The following ERP44 variants were observed in gnomAD, a reference collection of about 807,000 sequenced individuals.
ERP44 encodes the protein endoplasmic reticulum protein 44, also known as endoplasmic reticulum resident protein 44.
Under a neutral mutation model 53.4 loss-of-function variants are expected in ERP44, and 25 were observed. That is an observed-to-expected ratio of 0.47 (90% CI 0.34 to 0.65). The LOEUF is 0.65. Ranked by LOEUF, ERP44 falls within the 30% of genes least tolerant of loss-of-function variation. The pLI, the probability that ERP44 is intolerant of heterozygous loss-of-function variation, is 0.01. For synonymous variants in ERP44, 145 were observed against 161.2 expected, an observed-to-expected ratio of 0.90 and a Z score of 0.76; for missense variants, 338 against 493.2, an observed-to-expected ratio of 0.69 and a Z score of 2.98.
At chr9:100,021,751 T>C (rs891281740) in intron 5 of ERP44, among the ~76,000 whole-genome samples, 1 of 152,220 alleles carries the variant, frequency 6.6e-6, no homozygotes, top group Non-Finnish European at 1.5e-5. Flanking sequence ...AAGCTCTGGT[T>C]GTATATACTT....
intron 10 of ERP44, chr9:99,998,400 G>C (rs926156231): frequency 9.5e-6 from 6 of 631,690 alleles, no homozygotes; most frequent in African/African-American, 5.5e-5. Flanking sequence ...TCATACAGCT[G>C]CAAGGCCGGC....
chr9:100,012,936 C>G (rs368142510), intron 8 of ERP44, among the ~76,000 whole-genome samples: 2 of 151,972 alleles, frequency 1.3e-5, no homozygotes, highest in Non-Finnish European at 2.9e-5. Flanking sequence ...TTCTTTTTGC[C>G]TTATATATCC....
Position 100,007,669 on chromosome 9 carries a change from C to A in ERP44, c.783G>T (p.Leu261=). The change falls in exon 9 of 12, where the codon CTG becomes CTT. Residue 261 remains leucine, a synonymous_variant. Transcript: ENST00000262455. The part of the protein sequence containing the change: ...ENGEELTEEG[L]PFLILFHMKE... ...TCATGTGAAAGAGTATGAGAAAAGGCAGTCCTTCTTCTGTCAATTCCTGTA... is the reference window on the plus strand; with the variant it reads ...TCATGTGAAAGAGTATGAGAAAAGGAAGTCCTTCTTCTGTCAATTCCTGTA... The A allele has an allele frequency of 6.3e-7, 1 of 1,588,260 alleles. No individual in the cohort carries two copies. Among genetic ancestry groups the A allele is most frequent in the Non-Finnish European group, 8.6e-7 (1 of 1,156,514 alleles).
At chr9:99,993,920 G>A (rs934324918) in intron 10 of ERP44, among the ~76,000 whole-genome samples, 40 of 152,190 alleles carry the variant, frequency 2.6e-4, no homozygotes, top group African/African-American at 8.4e-4. Flanking sequence ...ATCATCACTG[G>A]CCATCAGAGA....
intron 4 of ERP44, among the ~76,000 whole-genome samples, chr9:100,028,756 G>A (rs1830679782): frequency 6.6e-6 from 1 of 152,138 alleles, no homozygotes; most frequent in South Asian, 2.1e-4. Flanking sequence ...GAAATTCCTA[G>A]AGAGAGTAGA....
intron 1 of ERP44, among the ~76,000 whole-genome samples, chr9:100,067,298 C>G (rs954041198): frequency 6.6e-6 from 1 of 152,236 alleles, no homozygotes; most frequent in Non-Finnish European, 1.5e-5. Flanking sequence ...CTGCCTGATT[C>G]TCCTGCCTCA....
intron 1 of ERP44, among the ~76,000 whole-genome samples, chr9:100,069,608 T>G (rs1826277302): frequency 1.3e-5 from 2 of 151,962 alleles, no homozygotes; most frequent in Admixed American, 1.3e-4. Flanking sequence ...AATAGATATA[T>G]TTATTTCTAA....
chr9:100,000,219 G>A (rs1310494577), intron 10 of ERP44, among the ~76,000 whole-genome samples: 1 of 151,898 alleles, frequency 6.6e-6, no homozygotes, highest in Non-Finnish European at 1.5e-5. Context: ...ATCACTTCAG[G>A]CCAGGCCAGG....
intron 1 of ERP44, among the ~76,000 whole-genome samples, chr9:100,094,463 G>C (rs1439353595): frequency 6.6e-6 from 1 of 152,118 alleles, no homozygotes; most frequent in Non-Finnish European, 1.5e-5. Context: ...TTTGAGACCA[G>C]CCTGGCCAAC....
chr9:100,023,303 G>A (rs1231507930), intron 4 of ERP44, among the ~76,000 whole-genome samples: 1 of 149,924 alleles, frequency 6.7e-6, no homozygotes. Flanking sequence ...TAAACAAGTA[G>A]AAGGCTTTTA....
intron 1 of ERP44, among the ~76,000 whole-genome samples, chr9:100,092,457 C>T (rs1480476422): frequency 2.0e-5 from 3 of 152,124 alleles, no homozygotes; most frequent in South Asian, 2.1e-4. Context: ...CATGTGCTTA[C>T]GTTATAGACA....
At chr9:100,010,829 G>A (rs1587961586) in intron 8 of ERP44, among the ~76,000 whole-genome samples, 3 of 151,210 alleles carry the variant, frequency 2.0e-5, no homozygotes, top group African/African-American at 7.3e-5. Context: ...TGAACCTGGG[G>A]GGCAGAGGTT....
chr9:99,995,920 C>CTTTTTTTTTTTTTTTTTTTTTTTT (rs34632626), intron 10 of ERP44, among the ~76,000 whole-genome samples: 1 of 121,436 alleles, frequency 8.2e-6, no homozygotes. Context: ...TAGGGTAGTT[C>CTTTTTTTTTTTTTTTTTTTTTTTT]TTTTTTTTTT....
chr9:100,039,738 G>A (rs1825882753), intron 4 of ERP44, among the ~76,000 whole-genome samples: 1 of 151,920 alleles, frequency 6.6e-6, no homozygotes, highest in African/African-American at 2.4e-5. Context: ...ACAAAAAGTT[G>A]GTTTTTTGGT....
chr9:100,027,315 A>G (rs1414375784), intron 4 of ERP44, among the ~76,000 whole-genome samples: 2 of 152,242 alleles, frequency 1.3e-5, no homozygotes, highest in Non-Finnish European at 2.9e-5. Context: ...ATGGGATTAG[A>G]TATTCATTTG....
At position 100,022,284 on chromosome 9, in the gene ERP44, C is replaced by T. The variant is rs1001574795; in HGVS notation, c.287-58G>A. 2.9e-5 allele frequency: 40 copies of T among 1,380,434 alleles called. No homozygotes were observed. The African/African-American group carries it at 3.8e-4, about 13-fold the overall frequency. The allele number at this position is 1,380,434 out of a possible 1,614,324, so 85.5% of individuals were successfully genotyped here. On this transcript the variant is annotated intron_variant, in intron 4 of 11. Transcript: ENST00000262455. ...TATGTAGTCAGGGCAAGCCTGTTTG[C>T]CTAATGGTCAAAAATCTTACAATTG...
At chr9:100,022,254 C>T in intron 4 of ERP44, 28 bp from the exon 5 acceptor site, 1 of 1,589,584 alleles carries the variant, frequency 6.3e-7, no homozygotes. Context: ...AATTATTTAC[C>T]CTCATATGTA....
At chr9:100,071,587 T>A (rs577630720) in intron 1 of ERP44, among the ~76,000 whole-genome samples, 145 of 152,250 alleles carry the variant, frequency 9.5e-4, no homozygotes, top group Admixed American at 2.4e-3. Context: ...TCCATTACTA[T>A]ATATATCCAA....
chr9:100,053,865 T>G (rs1053072275), intron 3 of ERP44, among the ~76,000 whole-genome samples: 4 of 152,218 alleles, frequency 2.6e-5, no homozygotes, highest in African/African-American at 9.6e-5. Context: ...CAGAGCCCTT[T>G]TCCACCAAAT....
Sources: gnomAD v4.1 joint callset for allele counts (sites outside exome capture counted in the v4.1 genomes callset) on GRCh38, gnomAD v4.1.1 for gene constraint, MANE v1.5 for transcripts, NCBI Gene and HGNC (gene_info 2026-07-23, HGNC 2026-07-21) for gene names.